ZBTB20: variants seen among roughly 807,000 people sequenced by gnomAD.
ZBTB20 encodes the protein zinc finger and BTB domain containing 20.
A neutral mutation model predicts 56.9 loss-of-function variants in ZBTB20; 9 were observed. The ratio of observed to expected loss-of-function variants is 0.16; its 90% CI spans 0.10 to 0.28. The LOEUF (loss-of-function observed/expected upper bound fraction) is 0.28. Ranked by LOEUF, ZBTB20 falls within the 10% of genes least tolerant of loss-of-function variation. The pLI is 1.00. For synonymous variants in ZBTB20, 417 were observed against 420.7 expected (o/e 0.99, Z 0.11); for missense variants, 655 against 1,003.0 (o/e 0.65, Z 4.69).
chr3:114,510,864 C>T (rs1398122565), intron 6 of ZBTB20, among the ~76,000 whole-genome samples: 2 of 152,042 alleles, frequency 1.3e-5, no homozygotes, highest in Non-Finnish European at 2.9e-5. Context: ...AGCTCCTTCC[C>T]TATCCCGAAT....
intron 4 of ZBTB20, among the ~76,000 whole-genome samples, chr3:114,822,907 T>C (rs1004775276): frequency 6.6e-6 from 1 of 152,098 alleles, no homozygotes; most frequent in Non-Finnish European, 1.5e-5. Flanking sequence ...TTGTCTTTGA[T>C]GTTATGAATC....
intron 4 of ZBTB20, among the ~76,000 whole-genome samples, chr3:114,817,567 C>T (rs1246190101): frequency 6.7e-6 from 1 of 148,494 alleles, no homozygotes; most frequent in Non-Finnish European, 1.5e-5. Context: ...AAATAAATAT[C>T]TCTCTATATA....
chr3:114,748,336 TC>T (rs1360217386), intron 5 of ZBTB20, among the ~76,000 whole-genome samples: 25 of 89,976 alleles, frequency 2.8e-4, no homozygotes, highest in African/African-American at 8.2e-4. Context: ...CTTTCTTTCT[TC>T]TTTCTTTCTT....
Position 114,753,349 on chromosome 3 carries a change from T to TATAC in ZBTB20, c.-343+47751_-343+47752insGTAT, listed in dbSNP as rs1439791133. On this transcript the variant is annotated intron_variant, in intron 5 of 11. Transcript: ENST00000675478. ...CCTGTATATATAATGTATATATGTATACATTATATATAATGTATATATAAT... is the reference window on the plus strand; with the variant it reads ...CCTGTATATATAATGTATATATGTATATACACATTATATATAATGTATATATAAT... Among the ~76,000 whole-genome samples, 6 of 88,508 alleles carry TATAC rather than the reference T, an allele frequency of 6.8e-5. 1 individual carries two copies. Among genetic ancestry groups the TATAC allele is most frequent in the Admixed American group, 4.7e-4 (3 of 6,354 alleles). 58.1% of individuals were successfully genotyped at this position (88,508 alleles called of 152,430 possible).
intron 4 of ZBTB20, among the ~76,000 whole-genome samples, chr3:114,826,606 C>T (rs2073540948): frequency 6.6e-6 from 1 of 151,700 alleles, no homozygotes; most frequent in Non-Finnish European, 1.5e-5. Flanking sequence ...ATCAGTCTGA[C>T]ATATGGGTCC....
chr3:114,690,994 T>A (rs527530986), intron 6 of ZBTB20, among the ~76,000 whole-genome samples: 1 of 152,002 alleles, frequency 6.6e-6, no homozygotes, highest in Non-Finnish European at 1.5e-5. Flanking sequence ...CAAATTAGCA[T>A]CCTAAATTTG....
At chr3:114,548,517 C>CT (rs71146327) in intron 6 of ZBTB20, among the ~76,000 whole-genome samples, 24,092 of 144,904 alleles carry the variant, frequency 0.17, 2,110 homozygotes, top group Non-Finnish European at 0.2. Context: ...TTTTTATTTT[C>CT]TTTTTTTTTT....
Position 114,711,086 on chromosome 3 carries a change from T to C in ZBTB20, c.-342-17511A>G, listed in dbSNP as rs2064042469. On this transcript the variant is annotated intron_variant, in intron 5 of 11. Transcript: ENST00000675478. Reference sequence around the variant, plus strand: ...CAAATATCTTCCACTCGGTGAGACCTTTCCTACTTACCCTATTTCAAATAG... The same window carrying C: ...CAAATATCTTCCACTCGGTGAGACCCTTCCTACTTACCCTATTTCAAATAG... Among the ~76,000 whole-genome samples the C allele has an allele frequency of 2.0e-5, 3 of 152,224 alleles. No homozygotes were observed. The South Asian group carries it at 6.2e-4, about 31-fold the overall frequency.
At chr3:114,778,324 C>T (rs1219002491) in intron 5 of ZBTB20, among the ~76,000 whole-genome samples, 7 of 148,016 alleles carry the variant, frequency 4.7e-5, no homozygotes, top group Admixed American at 4.7e-4. Flanking sequence ...ACTCCAGCCT[C>T]GGCAACAAGA....
chr3:114,585,041 G>A (rs934577576), intron 6 of ZBTB20, among the ~76,000 whole-genome samples: 1 of 152,072 alleles, frequency 6.6e-6, no homozygotes, highest in Non-Finnish European at 1.5e-5. Flanking sequence ...AATAGGCAAG[G>A]CTTCTCTTAC....
chr3:114,694,118 C>A (rs2062856473), intron 5 of ZBTB20, among the ~76,000 whole-genome samples: 1 of 151,906 alleles, frequency 6.6e-6, no homozygotes, highest in Non-Finnish European at 1.5e-5. Context: ...TTGGCCTTAT[C>A]CTCCTTTATA....
chr3:114,757,742 G>A (rs2068109788), intron 5 of ZBTB20, among the ~76,000 whole-genome samples: 1 of 152,044 alleles, frequency 6.6e-6, no homozygotes, highest in Non-Finnish European at 1.5e-5. Flanking sequence ...ATAGGATATA[G>A]TAAGAGAAAA....
chr3:114,614,342 G>A (rs1230111266), intron 6 of ZBTB20, among the ~76,000 whole-genome samples: 2 of 152,118 alleles, frequency 1.3e-5, no homozygotes, highest in African/African-American at 2.4e-5. Flanking sequence ...ATTTTTAATT[G>A]TACTATTTAA....
chr3:114,738,784 A>G (rs537522459), intron 5 of ZBTB20, among the ~76,000 whole-genome samples: 18 of 152,332 alleles, frequency 1.2e-4, no homozygotes, highest in African/African-American at 3.8e-4. Context: ...CTAAAAACTA[A>G]AACAGGCAAA....
intron 3 of ZBTB20, among the ~76,000 whole-genome samples, chr3:114,942,008 T>A (rs1284765781): frequency 1.4e-5 from 2 of 146,322 alleles, no homozygotes; most frequent in Admixed American, 1.3e-4. Flanking sequence ...CTATGCCTAG[T>A]TATTCACTAC....
chr3:114,887,078 G>C (rs1031406433), intron 4 of ZBTB20, among the ~76,000 whole-genome samples: 1 of 152,130 alleles, frequency 6.6e-6, no homozygotes, highest in South Asian at 2.1e-4. Context: ...GACTGTGCTA[G>C]CGCAGGTCTC....
At chr3:114,756,835 C>T (rs1244630807) in intron 5 of ZBTB20, among the ~76,000 whole-genome samples, 2 of 152,074 alleles carry the variant, frequency 1.3e-5, no homozygotes, top group Non-Finnish European at 2.9e-5. Context: ...TGTCCTTATA[C>T]GACCACTCTA....
chr3:114,913,152 C>T (rs1292047541), intron 3 of ZBTB20, among the ~76,000 whole-genome samples: 1 of 151,962 alleles, frequency 6.6e-6, no homozygotes, highest in African/African-American at 2.4e-5. Context: ...TTCTGAAGAA[C>T]CTCCAGGCTG....
chr3:114,734,728 A>T (rs1172392438), intron 5 of ZBTB20, among the ~76,000 whole-genome samples: 1 of 152,174 alleles, frequency 6.6e-6, no homozygotes, highest in African/African-American at 2.4e-5. Flanking sequence ...ACATACATTT[A>T]AGAAAGATTA....
Sources: gnomAD v4.1 joint callset for allele counts (sites outside exome capture counted in the v4.1 genomes callset) on GRCh38, gnomAD v4.1.1 for gene constraint, MANE v1.5 for transcripts, NCBI Gene and HGNC (gene_info 2026-07-23, HGNC 2026-07-21) for gene names.